Variants in MUC5AC observed in about 807,000 individuals in gnomAD.
The protein encoded by MUC5AC is mucin 5AC, oligomeric mucus/gel-forming.
A neutral mutation model predicts 169.7 loss-of-function variants in MUC5AC; 158 were observed. That is an observed-to-expected ratio of 0.93 (90% CI 0.82 to 1.06). The LOEUF (loss-of-function observed/expected upper bound fraction) is 1.06. MUC5AC is among the 50% of genes least tolerant of loss of function. The pLI is 0.00. For synonymous variants in MUC5AC, 1,975 were observed against 1,237.0 expected, an observed-to-expected ratio of 1.60 and a Z score of -12.52; for missense variants, 4,359 against 3,089.9, an observed-to-expected ratio of 1.41 and a Z score of -9.74.
intron 19 of MUC5AC, 83 bp from the exon 20 acceptor site, chr11:1,176,068 G>T (rs2133744167): frequency 2.5e-6 from 1 of 397,232 alleles, no homozygotes; most frequent in East Asian, 3.6e-5. Flanking sequence ...CACGCACATG[G>T]CACAGACACG....
Position 1,161,978 on chromosome 11 carries a change from G to T in MUC5AC, c.283G>T (p.Asp95Tyr), listed in dbSNP as rs749110363. 6.2e-7 allele frequency: 1 copy of T among 1,612,230 alleles called. No individual in the cohort carries two copies. Among genetic ancestry groups the T allele is most frequent in the Non-Finnish European group, 8.5e-7 (1 of 1,179,708 alleles). Residue 95 changes from aspartate to tyrosine, a missense_variant, in exon 4 of 49, where the codon GAC (aspartate) becomes TAC (tyrosine). Coordinates refer to ENST00000621226, the MANE Select transcript of MUC5AC (RefSeq NM_001304359.2). ...CTTCCACTACAAGACCTTCGACGGC[G>T]ACGTCTTCCGCTTCCCCGGCCTCTG... ...GSFHYKTFDGDVFRFPGLCNY... is the reference protein window; with the variant it reads ...GSFHYKTFDGYVFRFPGLCNY...
Position 1,176,609 on chromosome 11 carries a change from G to A in MUC5AC, c.2598G>A (p.Val866=), listed in dbSNP as rs964268954. The A allele has an allele frequency of 1.3e-5, 5 of 398,794 alleles. No individual in the cohort carries two copies. Among genetic ancestry groups the A allele is most frequent in the Non-Finnish European group, 2.2e-5 (5 of 226,226 alleles). 24.7% of individuals were successfully genotyped at this position (398,794 alleles called of 1,614,324 possible). A position where few individuals can be genotyped will look rare whatever the true frequency, so the allele number is the denominator to read the frequency against. ...GCITAEDCPC[V]HNEASYRAGQ... ...TCACTGCGGAGGACTGCCCCTGCGT[G>A]CACAATGAGGCCAGCTACCGGGCCG... The change falls in exon 21 of 49, where the codon GTG becomes GTA. Residue 866 remains valine, a synonymous_variant. Coordinates refer to ENST00000621226, the MANE Select transcript of MUC5AC (RefSeq NM_001304359.2).
intron 27 of MUC5AC, 36 bp downstream of exon 27, chr11:1,180,186 C>A (rs1349263746): frequency 5.0e-6 from 2 of 397,994 alleles, no homozygotes; most frequent in African/African-American, 2.1e-5. Context: ...GCCTGGGCTC[C>A]GCCGCCTGTG....
At chr11:1,177,394 C>T (rs934076480) in intron 23 of MUC5AC, 50 bp downstream of exon 23, 26 of 409,834 alleles carry the variant, frequency 6.3e-5, no homozygotes, top group Admixed American at 3.8e-4. Context: ...CCCATGGCAG[C>T]GTCTGGTCAG....
rs749016255 is a variant in MUC5AC at position 1,194,319 on chromosome 11, G to A, written c.14965G>A (p.Val4989Met). Reference sequence around the variant, plus strand: ...CCTGGAGTACCACCAGGACCGCGTGGTGCTGACCCGCAAGCCAGTCCACGG... The same window carrying A: ...CCTGGAGTACCACCAGGACCGCGTGATGCTGACCCGCAAGCCAGTCCACGG... ...IILEYHQDRV[V>M]LTRKPVHGVM... The change falls in exon 34 of 49, where the codon GTG (valine) becomes ATG (methionine). Residue 4989 changes from valine (V) to methionine (M), a missense_variant. By Grantham distance (21) the Val-to-Met change is conservative (BLOSUM62 1). Transcript: ENST00000621226. 1.4e-6 allele frequency: 1 copy of A among 736,426 alleles called. No individual in the cohort carries two copies. The highest frequency in any genetic ancestry group is 2.5e-6 in the Non-Finnish European group (1 of 405,596). 45.6% of individuals were successfully genotyped at this position (736,426 alleles called of 1,614,324 possible).
intron 5 of MUC5AC, 119 bp downstream of exon 5, chr11:1,162,765 C>T: frequency 9.5e-7 from 1 of 1,056,860 alleles, no homozygotes; most frequent in Non-Finnish European, 1.4e-6. Context: ...CAGACTCCAC[C>T]CCACACAGCA....
chr11:1,165,119 C>G (rs1207441752), intron 9 of MUC5AC, among the ~76,000 whole-genome samples, 183 bp from the exon 10 acceptor site: 3 of 147,130 alleles, frequency 2.0e-5, no homozygotes, highest in Admixed American at 1.4e-4. Context: ...GGCCCCTGTC[C>G]CGGGCCCCTG....
chr11:1,179,029 G>C (rs945155566), intron 25 of MUC5AC, 63 bp from the exon 26 acceptor site: 2 of 319,496 alleles, frequency 6.3e-6, no homozygotes, highest in Non-Finnish European at 5.6e-6. Flanking sequence ...GCATGGGCCC[G>C]GTCCCCAAGA....
At position 1,160,662 on chromosome 11, in the gene MUC5AC, C is replaced by T; in HGVS notation, c.124C>T (p.Leu42Phe). 1.9e-6 allele frequency: 3 copies of T among 1,610,820 alleles called. No individual in the cohort carries two copies. In the South Asian group the frequency reaches 3.3e-5, roughly 18 times the overall value. ...ATCCAGCTACAAGCACCACCCTGCC[C>T]TCTCTCCTATCGCCCGGGGGCCCAG... is the stretch of plus-strand genomic sequence containing the variant. ...SESSYKHHPA[L>F]SPIARGPSGV... The change falls in exon 2 of 49, where the codon CTC (leucine) becomes TTC (phenylalanine). Residue 42 changes from leucine (L) to phenylalanine (F), a missense_variant. Leu to Phe is a conservative substitution (Grantham distance 22). Coordinates refer to ENST00000621226, the MANE Select transcript of MUC5AC (RefSeq NM_001304359.2).
At chr11:1,193,449 A>G in intron 32 of MUC5AC, 36 bp from the exon 33 acceptor site, 1 of 687,826 alleles carries the variant, frequency 1.5e-6, no homozygotes, top group Non-Finnish European at 2.7e-6. Flanking sequence ...GGAGATCGGG[A>G]GAGGCCGGAC....
intron 41 of MUC5AC, 26 bp from the exon 42 acceptor site, chr11:1,197,877 T>G (rs1249493471): frequency 1.4e-6 from 1 of 700,844 alleles, no homozygotes; most frequent in Admixed American, 2.0e-5. Flanking sequence ...GACAGACTCC[T>G]AATTGCCTCA....
At chr11:1,161,387 G>C in intron 2 of MUC5AC, 140 bp from the exon 3 acceptor site, 1 of 568,276 alleles carries the variant, frequency 1.8e-6, no homozygotes, top group Non-Finnish European at 2.9e-6. Flanking sequence ...GGTGGGAGGG[G>C]GCCCAACACG....
chr11:1,187,490 C>G lies in MUC5AC; in HGVS notation c.9345C>G (p.Ser3115Arg). Reference protein sequence around the residue: ...TTSTTSASTASKTSGLGTTPS... With the variant: ...TTSTTSASTARKTSGLGTTPS... ...GCACAACCTCTGCCTCTACAGCCAG[C>G]AAAACCTCTGGTCTTGGAACTACTC... Residue 3115 changes from serine (S) to arginine (R), a missense_variant, in exon 31 of 49, where the codon AGC (serine) becomes AGG (arginine). By Grantham distance (110) the Ser-to-Arg change is moderately radical. Transcript: ENST00000621226. The G allele has an allele frequency of 2.7e-6, 2 of 737,556 alleles. No individual in the cohort carries two copies. The highest frequency in any genetic ancestry group is 4.9e-6 in the Non-Finnish European group (2 of 404,186). 45.7% of individuals were successfully genotyped at this position (737,556 alleles called of 1,614,324 possible). A position where few individuals can be genotyped will look rare whatever the true frequency, so the allele number is the denominator to read the frequency against.
intron 27 of MUC5AC, 32 bp downstream of exon 27, chr11:1,180,182 G>A: frequency 2.5e-6 from 1 of 398,392 alleles, no homozygotes; most frequent in Non-Finnish European, 4.4e-6. Context: ...GGTGGCCTGG[G>A]CTCCGCCGCC....
In MUC5AC at chr11:1,174,630, C is replaced by A. The variant is rs1860629405; in HGVS notation, c.2092+8C>A. 2.9e-6 allele frequency: 3 copies of A among 1,050,558 alleles called. No homozygotes were observed. Among genetic ancestry groups the A allele is most frequent in the Admixed American group, 2.2e-5 (1 of 46,072 alleles). The allele number at this position is 1,050,558 out of a possible 1,614,324, so 65.1% of individuals were successfully genotyped here. ...GGAGGGACGGCGTCTGCAGTGAGTGCCTGCCAAGCCCAGCCCCTTTCCCTC... is the reference window on the plus strand; with the variant it reads ...GGAGGGACGGCGTCTGCAGTGAGTGACTGCCAAGCCCAGCCCCTTTCCCTC... On this transcript the variant is annotated splice_region_variant and intron_variant, in intron 17 of 48. Transcript: ENST00000621226.
chr11:1,158,554 A>G (rs1206912201), intron 1 of MUC5AC, among the ~76,000 whole-genome samples: 2 of 152,016 alleles, frequency 1.3e-5, no homozygotes, highest in Non-Finnish European at 2.9e-5. Flanking sequence ...CTGAGCTGGG[A>G]TGTGATGGTG....
chr11:1,200,686 T>C lies in MUC5AC; in HGVS notation c.16949T>C (p.Val5650Ala). Residue 5650 changes from valine to alanine, a missense_variant, in exon 49 of 49, where the codon GTG (valine) becomes GCG (alanine). Val to Ala is a moderately conservative substitution (Grantham distance 64). Coordinates refer to ENST00000621226, the MANE Select transcript of MUC5AC (RefSeq NM_001304359.2). Reference protein sequence around the residue: ...ESGSWERGVPVSPMH With the variant: ...ESGSWERGVPASPMH ...GGGAGCTGGGAGAGAGGCGTCCCAG[T>C]GTCCCCCATGCACTGACCAGCACTG... 1 of 758,886 alleles carries C rather than the reference T, an allele frequency of 1.3e-6. No individual in the cohort carries two copies. 47.0% of individuals were successfully genotyped at this position (758,886 alleles called of 1,614,324 possible). A position where few individuals can be genotyped will look rare whatever the true frequency, so the allele number is the denominator to read the frequency against.
chr11:1,181,777 G>A (rs1265648998), intron 30 of MUC5AC, among the ~76,000 whole-genome samples: 8 of 152,184 alleles, frequency 5.3e-5, no homozygotes, highest in Non-Finnish European at 1.0e-4. Context: ...GGGGATGCAT[G>A]GCTATCACTT....
At chr11:1,176,127 C>T (rs1860679978) in intron 19 of MUC5AC, 24 bp from the exon 20 acceptor site, 1 of 398,558 alleles carries the variant, frequency 2.5e-6, no homozygotes, top group South Asian at 1.3e-4. Context: ...GTGGCTGGCC[C>T]CCTGACGGCC....
Sources: allele counts gnomAD v4.1 joint callset (sites outside exome capture counted in the v4.1 genomes callset), GRCh38; gene constraint gnomAD v4.1.1; transcripts MANE v1.5; gene names NCBI Gene and HGNC (gene_info 2026-07-23, HGNC 2026-07-21).